TXNDC5: variants seen among roughly 807,000 people sequenced by gnomAD.
The protein encoded by TXNDC5 is thioredoxin domain-containing protein 5.
TXNDC5 carries 44 observed loss-of-function variants against 52.6 expected under a neutral mutation model. The ratio of observed to expected loss-of-function variants is 0.84; its 90% confidence interval spans 0.66 to 1.08. The LOEUF is 1.08. Ranked by LOEUF, TXNDC5 falls within the 50% of genes least tolerant of loss-of-function variation. The pLI is 0.00. For missense variants in TXNDC5, 600 were observed against 565.5 expected (o/e 1.06, Z -0.62); for synonymous variants, 241 against 234.4 (o/e 1.03, Z -0.26).
intron 4 of TXNDC5, chr6:7,894,757 A>C: frequency 1.0e-6 from 1 of 985,446 alleles, no homozygotes; most frequent in South Asian, 4.7e-5. Flanking sequence ...CAAAATCCTC[A>C]ATCCGTAAAA....
At chr6:7,907,656 T>A (rs1310784392) in intron 1 of TXNDC5, among the ~76,000 whole-genome samples, 1 of 151,674 alleles carries the variant, frequency 6.6e-6, no homozygotes, top group Non-Finnish European at 1.5e-5. Context: ...TGAGGGGGAG[T>A]CCACTGAGTC....
intron 1 of TXNDC5, among the ~76,000 whole-genome samples, chr6:7,907,321 G>A (rs1293666918): frequency 2.6e-5 from 4 of 152,202 alleles, no homozygotes; most frequent in Non-Finnish European, 4.4e-5. Flanking sequence ...GTGCTATCTA[G>A]TCGGCCCTGC....
intron 7 of TXNDC5, 29 bp downstream of exon 7, chr6:7,888,675 AT>A (rs1161105147): frequency 6.3e-7 from 1 of 1,592,792 alleles, no homozygotes; most frequent in South Asian, 1.1e-5. Flanking sequence ...CGGGCCACTT[AT>A]GGGGATCCCG....
chr6:7,908,671 AAAC>A (rs1236066881), intron 1 of TXNDC5, among the ~76,000 whole-genome samples: 5 of 152,094 alleles, frequency 3.3e-5, no homozygotes, highest in Admixed American at 1.3e-4. Flanking sequence ...ACTACAACAA[AAAC>A]AACAACAACA....
In TXNDC5 at chr6:7,900,107, T is replaced by C. The variant is rs562220444; in HGVS notation, c.414-426A>G. The stretch of plus-strand genomic sequence containing the variant: ...AATTAAGGTATTCTTCCAGGCCACC[T>C]GGCAGGTATTCAACTCTTACAAGGC... On this transcript the variant is annotated intron_variant, in intron 2 of 9. Transcript: ENST00000379757. 3.3e-5 allele frequency: 5 copies of C among 153,074 alleles called. 1 individual carries two copies. The East Asian group carries it at 9.6e-4, about 29-fold the overall frequency. 9.5% of individuals were successfully genotyped at this position (153,074 alleles called of 1,614,324 possible).
intron 3 of TXNDC5, among the ~76,000 whole-genome samples, chr6:7,897,284 A>G (rs994422680): frequency 6.6e-6 from 1 of 152,266 alleles, no homozygotes; most frequent in Non-Finnish European, 1.5e-5. Context: ...GAATGTACAA[A>G]GTGACAAATT....
chr6:7,889,239 G>A, intron 6 of TXNDC5: 2 of 485,656 alleles, frequency 4.1e-6, no homozygotes, highest in Non-Finnish European at 7.3e-6. Flanking sequence ...TACAACCAGA[G>A]CACAGTTACC....
At chr6:7,895,853 C>T (rs1431287654) in intron 3 of TXNDC5, among the ~76,000 whole-genome samples, 1 of 152,094 alleles carries the variant, frequency 6.6e-6, no homozygotes, top group East Asian at 1.9e-4. Flanking sequence ...TTTACCTGAG[C>T]ATGGTGACGT....
At chr6:7,888,095 C>T (rs378963) in intron 7 of TXNDC5, among the ~76,000 whole-genome samples, 81,760 of 152,022 alleles carry the variant, frequency 0.54, 24,795 homozygotes, top group African/African-American at 0.81. Flanking sequence ...TATTTTTATT[C>T]CCTGGTGGCC....
Position 7,904,213 on chromosome 6 carries a change from G to A in TXNDC5, c.413+361C>T, listed in dbSNP as rs76656114. Among the ~76,000 whole-genome samples, 200 of 152,248 alleles carry A rather than the reference G, an allele frequency of 1.3e-3. 6 individuals carry two copies. The East Asian group carries it at 0.031, about 23-fold the overall frequency. The stretch of plus-strand genomic sequence containing the variant: ...AGGAACAGCCCTGTGGGAGTCACAC[G>A]GGAAGGAACTATAGGAAGGGTGTTT... On this transcript the variant is annotated intron_variant, in intron 2 of 9. Transcript: ENST00000379757.
intron 3 of TXNDC5, among the ~76,000 whole-genome samples, chr6:7,898,534 G>A (rs950337614): frequency 3.3e-5 from 5 of 152,186 alleles, no homozygotes; most frequent in African/African-American, 4.8e-5. Context: ...AAATCAGTGG[G>A]CGCTTAGCTG....
chr6:7,908,085 C>A (rs1760794768), intron 1 of TXNDC5, among the ~76,000 whole-genome samples: 1 of 152,034 alleles, frequency 6.6e-6, no homozygotes, highest in Non-Finnish European at 1.5e-5. Context: ...GAGATCGAGA[C>A]AATCCTGGCC....
At chr6:7,902,571 G>A (rs1760604851) in intron 2 of TXNDC5, among the ~76,000 whole-genome samples, 1 of 151,936 alleles carries the variant, frequency 6.6e-6, no homozygotes, top group Non-Finnish European at 1.5e-5. Flanking sequence ...TGTCTTAGAG[G>A]AGTCAAAGCT....
chr6:7,889,694 G>A lies in TXNDC5; in HGVS notation c.733-113C>T, dbSNP rs956866071. ...ATATTCTTTTCAAAATCCACATTCT[G>A]TAGCAACTCTGCCAGCAAGGTGCAG... is the stretch of plus-strand genomic sequence containing the variant. On this transcript the variant is annotated intron_variant, in intron 5 of 9. Coordinates refer to ENST00000379757, the MANE Select transcript of TXNDC5 (RefSeq NM_030810.5). 7.1e-5 allele frequency: 55 copies of A among 777,280 alleles called. No individual in the cohort carries two copies. In the African/African-American group the frequency reaches 8.7e-4, roughly 12 times the overall value. 48.1% of individuals were successfully genotyped at this position (777,280 alleles called of 1,614,324 possible).
In TXNDC5 at chr6:7,885,969, A is replaced by G; in HGVS notation, c.1038T>C (p.Tyr346=). The G allele has an allele frequency of 1.9e-6, 3 of 1,614,194 alleles. No individual in the cohort carries two copies. Among genetic ancestry groups the G allele is most frequent in the South Asian group, 2.2e-5 (2 of 91,072 alleles). ...IAEGITFIKF[Y]APWCGHCKTL... ...ATTAAACAGCCACTTACCATGGAGC[A>G]TAAAACTTGATGAAGGTTATTCCTT... Residue 346 remains tyrosine, a synonymous_variant, in exon 8 of 10, where the codon TAT becomes TAC. Transcript: ENST00000379757.
intron 1 of TXNDC5, chr6:7,910,096 C>T: frequency 1.0e-6 from 1 of 986,066 alleles, no homozygotes; most frequent in Non-Finnish European, 1.2e-6. Context: ...CGGCGCAGGG[C>T]GGGCTTTTCC....
At chr6:7,898,886 T>C (rs1245872431) in intron 3 of TXNDC5, among the ~76,000 whole-genome samples, 1 of 152,066 alleles carries the variant, frequency 6.6e-6, no homozygotes, top group Non-Finnish European at 1.5e-5. Flanking sequence ...GATATTAGCC[T>C]TAGTAAGGGA....
chr6:7,894,393 C>T (rs1760299776), intron 4 of TXNDC5, among the ~76,000 whole-genome samples: 1 of 152,096 alleles, frequency 6.6e-6, no homozygotes, highest in Admixed American at 6.6e-5. Context: ...AGCCACTGTG[C>T]CCAATCTAAA....
At chr6:7,894,529 T>C (rs1760302992) in intron 4 of TXNDC5, among the ~76,000 whole-genome samples, 1 of 152,222 alleles carries the variant, frequency 6.6e-6, no homozygotes. Context: ...ATAAAGATAA[T>C]ATCACAATAA....
Sources: allele counts gnomAD v4.1 joint callset (sites outside exome capture counted in the v4.1 genomes callset), GRCh38; gene constraint gnomAD v4.1.1; transcripts MANE v1.5; gene names NCBI Gene and HGNC (gene_info 2026-07-23, HGNC 2026-07-21).